Variants in TTC6 observed in about 807,000 individuals in gnomAD.
TTC6 encodes tetratricopeptide repeat protein 6.
TTC6 carries 172 observed loss-of-function variants against 210.4 expected under a neutral mutation model. The ratio of observed to expected loss-of-function variants is 0.82; its 90% CI spans 0.72 to 0.93. The LOEUF (loss-of-function observed/expected upper bound fraction) is 0.93. TTC6 is among the 40% of genes least tolerant of loss of function. The pLI, the probability that TTC6 is intolerant of heterozygous loss-of-function variation, is 0.00. For synonymous variants in TTC6, 804 were observed against 819.6 expected, an observed-to-expected ratio of 0.98 and a Z score of 0.32; for missense variants, 2,414 against 2,318.1, an observed-to-expected ratio of 1.04 and a Z score of -0.85.
At chr14:37,737,906 T>TG (rs1175923677) in intron 9 of TTC6, among the ~76,000 whole-genome samples, 172 bp downstream of exon 11, 1 of 151,996 alleles carries the variant, frequency 6.6e-6, no homozygotes, top group Non-Finnish European at 1.5e-5. Context: ...AAGTTGCAGA[T>TG]GGTCAATATC....
chr14:37,787,875 A>ATGTG (rs1357755262), intron 15 of TTC6, among the ~76,000 whole-genome samples: 1 of 119,476 alleles, frequency 8.4e-6, no homozygotes, highest in Admixed American at 9.7e-5. Flanking sequence ...TATGCCCTTT[A>ATGTG]TGTGTGTGTG....
At chr14:37,607,629 T>G (rs2095627537) in intron 2 of TTC6, among the ~76,000 whole-genome samples, 1 of 151,850 alleles carries the variant, frequency 6.6e-6, no homozygotes, top group Non-Finnish European at 1.5e-5. Flanking sequence ...TTTTTTTTTT[T>G]TTTCTTTTTC....
intron 1 of TTC6, among the ~76,000 whole-genome samples, chr14:37,666,263 T>G (rs941589522): frequency 1.3e-5 from 2 of 149,658 alleles, no homozygotes; most frequent in African/African-American, 4.9e-5. Context: ...TCGATCTGCT[T>G]TATACACTGG....
rs556874303 is a variant in TTC6 at position 37,792,327 on chromosome 14, G to A, written c.3621G>A (p.Thr1207=). ...ATCTGCTACACCTGGATAACTACACGGAAGCTATTTGGCAATTTTCTGAGG... is the reference window on the plus strand; with the variant it reads ...ATCTGCTACACCTGGATAACTACACAGAAGCTATTTGGCAATTTTCTGAGG... Residue 1207 remains threonine, a synonymous_variant, in exon 17 of 31, where the codon ACG becomes ACA. Coordinates refer to ENST00000553443, the Ensembl canonical transcript of TTC6. 30 of 1,532,352 alleles carry A rather than the reference G, an allele frequency of 2.0e-5. No homozygotes were observed. The African/African-American group carries it at 2.1e-4, about 11-fold the overall frequency. 94.9% of individuals were successfully genotyped at this position (1,532,352 alleles called of 1,614,324 possible). A position where few individuals can be genotyped will look rare whatever the true frequency, so the allele number is the denominator to read the frequency against.
At chr14:37,798,954 T>C (rs532507090) in intron 20 of TTC6, among the ~76,000 whole-genome samples, 8 of 152,262 alleles carry the variant, frequency 5.3e-5, no homozygotes, top group Non-Finnish European at 1.2e-4. Flanking sequence ...GAATATATAA[T>C]CTTTTTGTAG....
At chr14:37,826,442 G>C (rs1354033178) in intron 28 of TTC6, 95 bp downstream of exon 30, 9 of 1,035,120 alleles carry the variant, frequency 8.7e-6, no homozygotes, top group Non-Finnish European at 3.9e-6. Context: ...TTTTTAAAGT[G>C]ACTTATGGAG....
Position 37,622,090 on chromosome 14 carries a change from G to A in TTC6, c.26G>A (p.Gly9Asp), listed in dbSNP as rs987030989. The change falls in exon 1 of 31, where the codon GGC becomes GAC. Residue 9 changes from glycine to aspartate, a missense_variant. Transcript: ENST00000553443. Reference sequence around the variant, plus strand: ...ATGTCCACAATCCCGAGACACTTTGGCCTGAAATACAAAGAGGAATCGTAT... The same window carrying A: ...ATGTCCACAATCCCGAGACACTTTGACCTGAAATACAAAGAGGAATCGTAT... 5 of 1,532,358 alleles carry A rather than the reference G, an allele frequency of 3.3e-6. No individual in the cohort carries two copies. In the Admixed American group the frequency reaches 5.9e-5, roughly 18 times the overall value. 94.9% of individuals were successfully genotyped at this position (1,532,358 alleles called of 1,614,324 possible). A position where few individuals can be genotyped will look rare whatever the true frequency, so the allele number is the denominator to read the frequency against.
chr14:37,621,914 C>G (rs1595020907), upstream of TTC6: 1 of 536,196 alleles, frequency 1.9e-6, no homozygotes, highest in East Asian at 3.2e-5. Context: ...TAATTTTACC[C>G]GCTTGTGCCT....
intron 25 of TTC6, among the ~76,000 whole-genome samples, chr14:37,816,324 G>A (rs890347637): frequency 1.3e-5 from 2 of 152,092 alleles, no homozygotes; most frequent in Admixed American, 6.6e-5. Flanking sequence ...TTCAAAGACA[G>A]CCTCTTCCCT....
At chr14:37,838,159 T>G (rs2096202219) in intron 29 of TTC6, among the ~76,000 whole-genome samples, 1 of 152,174 alleles carries the variant, frequency 6.6e-6, no homozygotes, top group South Asian at 2.1e-4. Flanking sequence ...GGAGCCAGGT[T>G]TTCATCCATC....
chr14:37,788,204 A>C (rs2096072248), intron 15 of TTC6, among the ~76,000 whole-genome samples: 1 of 152,150 alleles, frequency 6.6e-6, no homozygotes, highest in African/African-American at 2.4e-5. Flanking sequence ...CTCAATCAGC[A>C]CACTCCTGGT....
At chr14:37,769,545 C>T (rs1160028755) in intron 14 of TTC6, among the ~76,000 whole-genome samples, 25 of 152,216 alleles carry the variant, frequency 1.6e-4, no homozygotes, top group African/African-American at 3.1e-4. Flanking sequence ...GTGTATGTGT[C>T]GAGGCATTTA....
At chr14:37,621,491 C>T (rs962324276), upstream of TTC6, among the ~76,000 whole-genome samples, 1 of 151,946 alleles carries the variant, frequency 6.6e-6, no homozygotes, top group South Asian at 2.1e-4. Context: ...CACATTTGGT[C>T]GCAGCTACTC....
intron 18 of TTC6, 22 bp from the exon 21 acceptor site, chr14:37,796,272 C>CA: frequency 9.1e-7 from 1 of 1,096,158 alleles, no homozygotes; most frequent in Non-Finnish European, 1.3e-6. Flanking sequence ...TGCTTAGAAT[C>CA]AAAATCGATT....
chr14:37,686,133 G>A (rs899347565), intron 3 of TTC6, among the ~76,000 whole-genome samples: 2 of 151,996 alleles, frequency 1.3e-5, no homozygotes, highest in Non-Finnish European at 2.9e-5. Flanking sequence ...TCCAAGGACC[G>A]AATCCTCTCT....
intron 1 of TTC6, among the ~76,000 whole-genome samples, chr14:37,669,985 T>C (rs561393394): frequency 6.6e-6 from 1 of 152,272 alleles, no homozygotes; most frequent in South Asian, 2.1e-4. Flanking sequence ...TTGGAGGAGA[T>C]GGAATTTAGT....
chr14:37,635,198 A>G (rs1031318829), intron 1 of TTC6, among the ~76,000 whole-genome samples: 1 of 152,206 alleles, frequency 6.6e-6, no homozygotes, highest in Non-Finnish European at 1.5e-5. Flanking sequence ...GTTAAAGTGG[A>G]TATAAAGGGA....
At chr14:37,622,465 A>G in exon 1 of TTC6, 1 of 1,535,156 alleles carries the variant, frequency 6.5e-7, no homozygotes, top group Non-Finnish European at 8.7e-7. Context: ...CAGGCCCTGA[A>G]AAAGCCCCCA....
At chr14:37,635,317 C>G (rs1310637421) in intron 1 of TTC6, among the ~76,000 whole-genome samples, 1 of 152,014 alleles carries the variant, frequency 6.6e-6, no homozygotes, top group Non-Finnish European at 1.5e-5. Flanking sequence ...AAAAGGTATA[C>G]AAAGCGATTC....
Sources: allele counts gnomAD v4.1 joint callset (sites outside exome capture counted in the v4.1 genomes callset), GRCh38; gene constraint gnomAD v4.1.1; transcripts MANE v1.5; gene names NCBI Gene and HGNC (gene_info 2026-07-23, HGNC 2026-07-21).